The following CNOT2 variants were observed in gnomAD, a reference collection of about 807,000 sequenced individuals.
CNOT2 encodes CC chemokine receptor 4-negative regulator of transcription 2.
In CNOT2, 7 loss-of-function variants were observed where a neutral mutation model predicts 72.1. The observed-to-expected ratio is 0.10, with a 90% CI of 0.06 to 0.18. CNOT2 has a LOEUF of 0.18. Among genes scored for constraint, CNOT2 ranks in the 10% least tolerant of loss-of-function variants. CNOT2 has a pLI of 1.00. For synonymous variants in CNOT2, 196 were observed against 225.6 expected (o/e 0.87, Z 1.17); for missense variants, 345 against 660.3 (o/e 0.52, Z 5.23).
chr12:70,294,222 C>A, intron 2 of CNOT2: 3 of 1,289,446 alleles, frequency 2.3e-6, no homozygotes, highest in Non-Finnish European at 3.0e-6. Context: ...TCCAACCTTT[C>A]CTTCTTCACT....
At chr12:70,295,667 C>G (rs1004213680) in intron 2 of CNOT2, among the ~76,000 whole-genome samples, 1 of 152,102 alleles carries the variant, frequency 6.6e-6, no homozygotes, top group African/African-American at 2.4e-5. Context: ...ATTTTAGGCT[C>G]TATTATGTGA....
rs989313759 is a variant in CNOT2, at chr12:70,341,924, T to C, written c.1179-183T>C. On this transcript the variant is annotated intron_variant, in intron 11 of 15. Transcript: ENST00000229195. ...TACTGAGGGAAGGAGTCCTATCATATTTTACAGACACACACACAAACACAC... is the reference window on the plus strand; with the variant it reads ...TACTGAGGGAAGGAGTCCTATCATACTTTACAGACACACACACAAACACAC... 24 of 613,996 alleles carry C rather than the reference T, an allele frequency of 3.9e-5. 1 individual carries two copies. The South Asian group carries it at 4.2e-4, about 11-fold the overall frequency. 38.0% of individuals were successfully genotyped at this position (613,996 alleles called of 1,614,324 possible). A position where few individuals can be genotyped will look rare whatever the true frequency, so the allele number is the denominator to read the frequency against.
chr12:70,310,964 G>A lies in CNOT2; in HGVS notation c.118G>A (p.Glu40Lys), dbSNP rs1446854932. Residue 40 changes from glutamate to lysine, a missense_variant, in exon 3 of 16, where the codon GAA becomes AAA. Physicochemically the swap from Glu to Lys is moderately conservative, Grantham distance 56 (BLOSUM62 1). This residue lies in a region of CNOT2 where 157 missense variants were observed against 235.3 expected (regional missense o/e 0.67). Coordinates refer to ENST00000229195, the MANE Select transcript of CNOT2 (RefSeq NM_014515.7). Reference protein sequence around the residue: ...VEGVDSDYHDENMYYSQSSMF... With the variant: ...VEGVDSDYHDKNMYYSQSSMF... ...GGGGGTCGACAGTGACTACCATGAC[G>A]AAAACATGTACTACAGCCAGTCTTC... 7 of 1,604,294 alleles carry A rather than the reference G, an allele frequency of 4.4e-6. No homozygotes were observed. The highest frequency in any genetic ancestry group is 1.7e-4 in the Middle Eastern group (1 of 6,040).
At chr12:70,319,389 G>A (rs1244846407) in intron 4 of CNOT2, 25 bp downstream of exon 4, 6 of 1,600,656 alleles carry the variant, frequency 3.7e-6, no homozygotes, top group Non-Finnish European at 4.3e-6. Context: ...TTTATTCTGG[G>A]ATACTTTATT....
chr12:70,263,727 A>G (rs912864505), intron 1 of CNOT2, among the ~76,000 whole-genome samples: 2 of 152,154 alleles, frequency 1.3e-5, no homozygotes, highest in Non-Finnish European at 2.9e-5. Flanking sequence ...CACCCTGTGT[A>G]TGAATTACTT....
chr12:70,313,392 A>G (rs967235660), intron 3 of CNOT2, among the ~76,000 whole-genome samples: 2 of 152,052 alleles, frequency 1.3e-5, no homozygotes, highest in Admixed American at 1.3e-4. Context: ...GTGATCCATC[A>G]GTCTTATTTT....
At chr12:70,314,033 G>A (rs1419968373) in intron 3 of CNOT2, among the ~76,000 whole-genome samples, 1 of 152,028 alleles carries the variant, frequency 6.6e-6, no homozygotes, top group Non-Finnish European at 1.5e-5. Context: ...TAAAAAAATG[G>A]TTTTTGATTG....
At position 70,278,992 on chromosome 12, in the gene CNOT2, G is replaced by A. The variant is rs114887060; in HGVS notation, c.48+718G>A. On this transcript the variant is annotated intron_variant, in intron 2 of 15. Transcript: ENST00000229195. Reference sequence around the variant, plus strand: ...TAAAGGAAATATCCTTTATTCATTTGATAGTGATCTGTTATCACATTTATT... The same window carrying A: ...TAAAGGAAATATCCTTTATTCATTTAATAGTGATCTGTTATCACATTTATT... Among the ~76,000 whole-genome samples the A allele has an allele frequency of 9.4e-3, 1,436 of 152,256 alleles. 26 individuals are homozygous for A. Among genetic ancestry groups the A allele is most frequent in the African/African-American group, 0.032 (1,344 of 41,530 alleles).
At chr12:70,317,037 G>A (rs888097202) in intron 3 of CNOT2, among the ~76,000 whole-genome samples, 1 of 152,090 alleles carries the variant, frequency 6.6e-6, no homozygotes, top group African/African-American at 2.4e-5. Context: ...TATATTTGCA[G>A]CCTTTAGAAA....
At chr12:70,293,808 T>TGTACA (rs1872358044) in intron 2 of CNOT2, among the ~76,000 whole-genome samples, 1 of 151,746 alleles carries the variant, frequency 6.6e-6, no homozygotes, top group African/African-American at 2.4e-5. Context: ...AAGGAGTGGA[T>TGTACA]AGGCACAAAG....
At chr12:70,339,816 CAA>C (rs1881252715) in intron 11 of CNOT2, among the ~76,000 whole-genome samples, 1 of 152,082 alleles carries the variant, frequency 6.6e-6, no homozygotes, top group Non-Finnish European at 1.5e-5. Context: ...AAGATGGAAG[CAA>C]TTAGAAGAGC....
chr12:70,314,192 A>C (rs1160092548), intron 3 of CNOT2, among the ~76,000 whole-genome samples: 1 of 152,120 alleles, frequency 6.6e-6, no homozygotes, highest in Non-Finnish European at 1.5e-5. Context: ...TACTTTGTGT[A>C]GTTATTTTAT....
chr12:70,289,769 C>G (rs1871554129), intron 2 of CNOT2, among the ~76,000 whole-genome samples: 1 of 151,970 alleles, frequency 6.6e-6, no homozygotes, highest in African/African-American at 2.4e-5. Context: ...ATATCATTGT[C>G]TACTAATTCT....
At chr12:70,303,673 G>C (rs1874580934) in intron 2 of CNOT2, among the ~76,000 whole-genome samples, 1 of 152,052 alleles carries the variant, frequency 6.6e-6, no homozygotes, top group Non-Finnish European at 1.5e-5. Context: ...TTCAACTTTG[G>C]TGAATCTGAC....
At chr12:70,317,087 A>C (rs1005200674) in intron 3 of CNOT2, among the ~76,000 whole-genome samples, 45 of 152,238 alleles carry the variant, frequency 3.0e-4, no homozygotes, top group African/African-American at 1.0e-3. Context: ...ATGACAGAAA[A>C]TCATGATTCT....
At chr12:70,352,354 A>G (rs543207619) in intron 15 of CNOT2, among the ~76,000 whole-genome samples, 2 of 152,350 alleles carry the variant, frequency 1.3e-5, no homozygotes, top group African/African-American at 4.8e-5. Flanking sequence ...TTAGAATAAA[A>G]TTAGCTGTAT....
rs71437141 is a variant in CNOT2, at chr12:70,261,305, C to CTTTTTTTTTTTTTTTTT, written c.-95-16816_-95-16800dup. Among the ~76,000 whole-genome samples the CTTTTTTTTTTTTTTTTT allele has an allele frequency of 5.1e-4, 22 of 43,352 alleles. 4 individuals carry two copies. The highest frequency in any genetic ancestry group is 1.3e-3 in the East Asian group (1 of 758). The allele number at this position is 43,352 out of a possible 152,430, so 28.4% of individuals were successfully genotyped here. ...ATCTTTGTGCCTATTTTCTTTCTTT[C>CTTTTTTTTTTTTTTTTT]TTTTTTTTTTTTTTTTTTTTTTTTT... On this transcript the variant is annotated intron_variant, in intron 1 of 15. Coordinates refer to ENST00000229195, the MANE Select transcript of CNOT2 (RefSeq NM_014515.7).
intron 1 of CNOT2, among the ~76,000 whole-genome samples, chr12:70,272,522 C>G (rs908504392): frequency 1.2e-4 from 18 of 152,290 alleles, no homozygotes; most frequent in Middle Eastern, 3.4e-3. Flanking sequence ...ATTCTCACTT[C>G]TTTTCTTACT....
Position 70,335,149 on chromosome 12 carries a change from T to C in CNOT2, c.650-289T>C, listed in dbSNP as rs139458376. On this transcript the variant is annotated intron_variant, in intron 7 of 15. Transcript: ENST00000229195. The stretch of plus-strand genomic sequence containing the variant: ...TAGCTCACAAGCTATAATTTTAGGT[T>C]ACCATCTTCCATGGGGGAAATATAT... 25 of 210,450 alleles carry C rather than the reference T, an allele frequency of 1.2e-4. No homozygotes were observed. The East Asian group carries it at 1.2e-3, about 10-fold the overall frequency. 13.0% of individuals were successfully genotyped at this position (210,450 alleles called of 1,614,324 possible).
Sources: gnomAD v4.1 joint callset for allele counts (sites outside exome capture counted in the v4.1 genomes callset) on GRCh38, gnomAD v4.1.1 for gene constraint, gnomAD v4.1.1 regional missense constraint, MANE v1.5 for transcripts, NCBI Gene and HGNC (gene_info 2026-07-23, HGNC 2026-07-21) for gene names.